Variants in PDE3B observed in about 807,000 individuals in gnomAD.
The protein encoded by PDE3B is cGMP-inhibited 3',5'-cyclic phosphodiesterase 3B.
In PDE3B, 66 loss-of-function variants were observed where a neutral mutation model predicts 116.8. That is an observed-to-expected ratio of 0.56 (90% CI 0.46 to 0.69). The LOEUF is 0.69. Ranked by LOEUF, PDE3B falls within the 30% of genes least tolerant of loss-of-function variation. PDE3B has a pLI of 0.00. For missense variants in PDE3B, 1,384 were observed against 1,368.1 expected (o/e 1.01, Z -0.18); for synonymous variants, 595 against 533.6 (o/e 1.12, Z -1.59).
At chr11:14,706,919 A>AT (rs1855551049) in intron 1 of PDE3B, among the ~76,000 whole-genome samples, 2 of 151,822 alleles carry the variant, frequency 1.3e-5, no homozygotes, top group Admixed American at 1.3e-4. Flanking sequence ...AAGTGTCAAG[A>AT]TTTCCCCCTT....
intron 10 of PDE3B, among the ~76,000 whole-genome samples, 181 bp downstream of exon 10, chr11:14,833,014 G>A (rs573889853): frequency 2.6e-5 from 4 of 151,280 alleles, no homozygotes; most frequent in Non-Finnish European, 2.9e-5. Flanking sequence ...GCAATGGCGC[G>A]ATCTTGGCCC....
chr11:14,683,373 G>T (rs184608955), intron 1 of PDE3B, among the ~76,000 whole-genome samples: 24 of 152,084 alleles, frequency 1.6e-4, no homozygotes, highest in Middle Eastern at 6.8e-3. Flanking sequence ...GAATTACTCA[G>T]AATATCTATC....
intron 1 of PDE3B, among the ~76,000 whole-genome samples, chr11:14,663,110 T>C (rs1243319743): frequency 2.0e-5 from 3 of 152,164 alleles, no homozygotes. Flanking sequence ...AGCGGATCTC[T>C]CAGCAGAAAC....
chr11:14,765,616 G>C (rs917562877), intron 1 of PDE3B, among the ~76,000 whole-genome samples: 2 of 151,520 alleles, frequency 1.3e-5, no homozygotes, highest in African/African-American at 4.8e-5. Context: ...AGTATGAAAA[G>C]AAATAATAAT....
At chr11:14,815,472 T>C (rs1859294873) in intron 5 of PDE3B, among the ~76,000 whole-genome samples, 2 of 152,182 alleles carry the variant, frequency 1.3e-5, no homozygotes, top group Non-Finnish European at 2.9e-5. Flanking sequence ...TTGATGGCTC[T>C]GGGTTCTTGA....
chr11:14,704,000 T>TAA (rs1855453101), intron 1 of PDE3B, among the ~76,000 whole-genome samples: 1 of 151,768 alleles, frequency 6.6e-6, no homozygotes, highest in East Asian at 1.9e-4. Flanking sequence ...GAAAATTTTC[T>TAA]AAGTTTTTTC....
At chr11:14,711,025 G>T (rs926710017) in intron 1 of PDE3B, among the ~76,000 whole-genome samples, 7 of 152,032 alleles carry the variant, frequency 4.6e-5, no homozygotes, top group Non-Finnish European at 1.0e-4. Flanking sequence ...CCTGGAAAAA[G>T]AAATAAAAAT....
At chr11:14,665,588 A>G (rs1590044267) in intron 1 of PDE3B, among the ~76,000 whole-genome samples, 2 of 152,260 alleles carry the variant, frequency 1.3e-5, no homozygotes, top group African/African-American at 4.8e-5. Context: ...TACAAAGTCA[A>G]TGTACAAAAA....
At chr11:14,688,846 C>T (rs570718789) in intron 1 of PDE3B, among the ~76,000 whole-genome samples, 1 of 152,270 alleles carries the variant, frequency 6.6e-6, no homozygotes, top group South Asian at 2.1e-4. Flanking sequence ...GATCTTGGCT[C>T]ACTGCAACCT....
intron 4 of PDE3B, among the ~76,000 whole-genome samples, chr11:14,798,478 A>C (rs550036330): frequency 6.6e-6 from 1 of 151,892 alleles, no homozygotes; most frequent in Admixed American, 6.6e-5. Flanking sequence ...CTTTTTTTCT[A>C]TTGAGTGGAG....
chr11:14,653,430 A>T (rs1318509738), intron 1 of PDE3B, among the ~76,000 whole-genome samples: 1 of 152,058 alleles, frequency 6.6e-6, no homozygotes, highest in Non-Finnish European at 1.5e-5. Context: ...CCTAAGAAAA[A>T]GTACACAACA....
At chr11:14,656,320 C>T (rs567113706) in intron 1 of PDE3B, among the ~76,000 whole-genome samples, 48 of 152,178 alleles carry the variant, frequency 3.2e-4, no homozygotes, top group Middle Eastern at 3.4e-3. Flanking sequence ...ATGTAAACTC[C>T]CTGAGTGTAA....
intron 1 of PDE3B, among the ~76,000 whole-genome samples, chr11:14,711,852 C>G (rs187806035): frequency 1.3e-5 from 2 of 152,294 alleles, no homozygotes; most frequent in African/African-American, 4.8e-5. Flanking sequence ...GCCAAAGATT[C>G]ACAGCATGGC....
At chr11:14,815,063 A>T (rs1859279686) in intron 5 of PDE3B, among the ~76,000 whole-genome samples, 1 of 151,646 alleles carries the variant, frequency 6.6e-6, no homozygotes, top group African/African-American at 2.4e-5. Flanking sequence ...CTTGAACCCA[A>T]CAGATGGAGG....
chr11:14,831,012 C>T (rs1859867925), intron 8 of PDE3B, among the ~76,000 whole-genome samples, 166 bp downstream of exon 8: 1 of 151,704 alleles, frequency 6.6e-6, no homozygotes, highest in African/African-American at 2.4e-5. Context: ...ACAAATAATA[C>T]AGTAACTTGT....
At chr11:14,672,414 T>A (rs972920442) in intron 1 of PDE3B, among the ~76,000 whole-genome samples, 18 of 152,142 alleles carry the variant, frequency 1.2e-4, no homozygotes, top group African/African-American at 4.3e-4. Context: ...GTATACAGTT[T>A]AGGAAAACCT....
Position 14,826,329 on chromosome 11 carries a change from G to A in PDE3B, c.1808-4369G>A, listed in dbSNP as rs1859685196. 3.3e-5 allele frequency among the ~76,000 whole-genome samples: 5 copies of A among 152,102 alleles called. No individual in the cohort carries two copies. The South Asian group carries it at 1.0e-3, about 32-fold the overall frequency. ...ACCATCCAAAAGATGAATGAAACCAGGAGTTGATTTTTTGAAAAAATTAGT... is the reference window on the plus strand; with the variant it reads ...ACCATCCAAAAGATGAATGAAACCAAGAGTTGATTTTTTGAAAAAATTAGT... On this transcript the variant is annotated intron_variant, in intron 7 of 15. Coordinates refer to ENST00000282096, the MANE Select transcript of PDE3B (RefSeq NM_000922.4).
intron 1 of PDE3B, among the ~76,000 whole-genome samples, chr11:14,768,471 G>A (rs929077944): frequency 2.6e-5 from 4 of 151,528 alleles, no homozygotes; most frequent in African/African-American, 9.7e-5. Context: ...TATACTGTAT[G>A]TATCTGTCTG....
chr11:14,880,378 A>G, the PDE3B span: 1 of 1,613,426 alleles, frequency 6.2e-7, no homozygotes, highest in Non-Finnish European at 8.5e-7. Context: ...AAAATCATAG[A>G]CTACAGCTGC....
Sources: allele counts gnomAD v4.1 joint callset (sites outside exome capture counted in the v4.1 genomes callset), GRCh38; gene constraint gnomAD v4.1.1; transcripts MANE v1.5; gene names NCBI Gene and HGNC (gene_info 2026-07-23, HGNC 2026-07-21).